The following ANO6 variants were observed in gnomAD, a reference collection of about 807,000 sequenced individuals.
ANO6 encodes the protein anoctamin-6.
Under a neutral mutation model 117.5 loss-of-function variants are expected in ANO6, and 106 were observed. The observed-to-expected ratio is 0.90, with a 90% CI of 0.77 to 1.06. The LOEUF (loss-of-function observed/expected upper bound fraction) is 1.06, where lower values mean the gene tolerates loss of function less well. Ranked by LOEUF, ANO6 falls within the 50% of genes least tolerant of loss-of-function variation. The pLI, the probability that ANO6 is intolerant of heterozygous loss-of-function variation, is 0.00. For missense variants in ANO6, 955 were observed against 1,121.1 expected, an observed-to-expected ratio of 0.85 and a Z score of 2.12; for synonymous variants, 367 against 385.1, an observed-to-expected ratio of 0.95 and a Z score of 0.55.
Position 45,388,180 on chromosome 12 carries a change from T to C in ANO6, c.1185T>C (p.Phe395=), listed in dbSNP as rs372318576. 3.1e-6 allele frequency: 5 copies of C among 1,613,862 alleles called. No homozygotes were observed. Among genetic ancestry groups the C allele is most frequent in the East Asian group, 2.2e-5 (1 of 44,898 alleles). Residue 395 remains phenylalanine (F), a synonymous_variant, in exon 11 of 20, where the codon TTT becomes TTC. Coordinates refer to ENST00000320560, the MANE Select transcript of ANO6 (RefSeq NM_001025356.3). ...TGTTAGTTACCTTGTTTTTGGAGTTTTGGAAGCGACGCCAGGCAGAACTTG... is the reference window on the plus strand; with the variant it reads ...TGTTAGTTACCTTGTTTTTGGAGTTCTGGAAGCGACGCCAGGCAGAACTTG... ...MGVWVTLFLE[F]WKRRQAELEY... is the part of the protein sequence containing the mutation.
At chr12:45,392,372 C>T (rs561971116) in intron 12 of ANO6, among the ~76,000 whole-genome samples, 3 of 152,312 alleles carry the variant, frequency 2.0e-5, no homozygotes, top group Admixed American at 6.5e-5. Context: ...CAGAGCCCAC[C>T]GCAGCTCAAC....
rs369339761 is a variant in ANO6, at chr12:45,390,022, A to G, written c.1309-399A>G. On this transcript the variant is annotated intron_variant, in intron 11 of 19. Coordinates refer to ENST00000320560, the MANE Select transcript of ANO6 (RefSeq NM_001025356.3). ...TATATAAAGCCCAACCAAGAAACAC[A>G]TAGTGGATACCTAGTATTTGCAGAC... 1.1e-4 allele frequency among the ~76,000 whole-genome samples: 16 copies of G among 152,330 alleles called. No individual in the cohort carries two copies. In the East Asian group the frequency reaches 1.2e-3, roughly 11 times the overall value.
chr12:45,238,151 CTTTT>C (rs71437709), intron 1 of ANO6, among the ~76,000 whole-genome samples: 2 of 130,868 alleles, frequency 1.5e-5, no homozygotes, highest in Non-Finnish European at 3.2e-5. Context: ...TTTTCTTTTT[CTTTT>C]TTTTTTTTTT....
intron 8 of ANO6, among the ~76,000 whole-genome samples, chr12:45,363,496 G>A (rs536749652): frequency 4.0e-4 from 61 of 151,820 alleles, no homozygotes; most frequent in African/African-American, 9.4e-4. Flanking sequence ...CCCGGGAGGC[G>A]GAGGTTGCAG....
At chr12:45,216,600 G>A (rs554780878) in intron 1 of ANO6, among the ~76,000 whole-genome samples, 6 of 152,348 alleles carry the variant, frequency 3.9e-5, no homozygotes, top group Admixed American at 3.9e-4. Flanking sequence ...CGGGGCGCGT[G>A]GTGGCCCCGA....
At chr12:45,381,416 A>T (rs954468909) in intron 10 of ANO6, among the ~76,000 whole-genome samples, 1 of 152,142 alleles carries the variant, frequency 6.6e-6, no homozygotes, top group Non-Finnish European at 1.5e-5. Flanking sequence ...TTGCAGGGGG[A>T]GAGAGCAAAA....
chr12:45,216,418 C>A, intron 1 of ANO6, 27 bp downstream of exon 1: 4 of 1,602,508 alleles, frequency 2.5e-6, no homozygotes, highest in Non-Finnish European at 3.4e-6. Context: ...CGCGTCCCCA[C>A]CCGAGAGCCC....
intron 1 of ANO6, among the ~76,000 whole-genome samples, chr12:45,242,809 A>C (rs561399438): frequency 5.9e-5 from 9 of 151,890 alleles, no homozygotes; most frequent in Non-Finnish European, 1.0e-4. Flanking sequence ...TTTCTTTTGT[A>C]AATAAGATAG....
chr12:45,320,855 C>T (rs532712180), intron 2 of ANO6, among the ~76,000 whole-genome samples: 4 of 152,224 alleles, frequency 2.6e-5, no homozygotes, highest in Non-Finnish European at 5.9e-5. Flanking sequence ...TTGAATTAAT[C>T]CCTTTACCAT....
intron 1 of ANO6, among the ~76,000 whole-genome samples, chr12:45,227,318 A>C (rs755364758): frequency 5.9e-5 from 9 of 152,200 alleles, no homozygotes; most frequent in Non-Finnish European, 1.3e-4. Flanking sequence ...AGAAAAGTAA[A>C]AGGAGGAAAG....
chr12:45,370,324 A>G (rs1432636296), intron 9 of ANO6, among the ~76,000 whole-genome samples: 1 of 152,228 alleles, frequency 6.6e-6, no homozygotes. Flanking sequence ...ACTCCCTCTC[A>G]TAAGAGTGCT....
At chr12:45,371,614 A>G (rs1182662971) in intron 9 of ANO6, among the ~76,000 whole-genome samples, 1 of 151,952 alleles carries the variant, frequency 6.6e-6, no homozygotes, top group Non-Finnish European at 1.5e-5. Flanking sequence ...GACACCTCAC[A>G]CGGCAGGGTA....
chr12:45,274,765 T>G (rs746954125), intron 1 of ANO6, among the ~76,000 whole-genome samples: 1 of 150,366 alleles, frequency 6.7e-6, no homozygotes, highest in Admixed American at 6.7e-5. Flanking sequence ...CACCTGTCCC[T>G]TGACATGTCA....
intron 3 of ANO6, among the ~76,000 whole-genome samples, chr12:45,333,323 A>G (rs983480554): frequency 2.6e-5 from 4 of 152,008 alleles, no homozygotes; most frequent in African/African-American, 9.7e-5. Flanking sequence ...GGGTACTTTA[A>G]TTTTCCTGTG....
chr12:45,330,584 TTGGTCTC>T (rs1940630321), intron 2 of ANO6, among the ~76,000 whole-genome samples: 1 of 152,124 alleles, frequency 6.6e-6, no homozygotes, highest in Non-Finnish European at 1.5e-5. Flanking sequence ...ATTTTTGTAT[TTGGTCTC>T]TGTTCTGCCA....
intron 2 of ANO6, among the ~76,000 whole-genome samples, chr12:45,318,152 C>T (rs1940119358): frequency 6.6e-6 from 1 of 152,146 alleles, no homozygotes; most frequent in Admixed American, 6.6e-5. Context: ...TCAATTTTGG[C>T]TTTTGCTGCC....
At chr12:45,336,659 TGTA>T (rs1376254396) in intron 3 of ANO6, among the ~76,000 whole-genome samples, 7 of 152,112 alleles carry the variant, frequency 4.6e-5, no homozygotes, top group Non-Finnish European at 1.0e-4. Flanking sequence ...CATACAATCA[TGTA>T]TAGTACCGAA....
chr12:45,402,985 G>A (rs1390111151), intron 13 of ANO6, 87 bp from the exon 14 acceptor site: 20 of 1,240,214 alleles, frequency 1.6e-5, no homozygotes, highest in South Asian at 2.5e-5. Context: ...CGTGTTTAAC[G>A]TGTTAACTCA....
chr12:45,337,006 T>C (rs1940845595), intron 3 of ANO6, among the ~76,000 whole-genome samples: 2 of 151,986 alleles, frequency 1.3e-5, no homozygotes, highest in South Asian at 4.1e-4. Context: ...GTGTCTTAGT[T>C]TTCAACAAAA....
Sources: allele counts gnomAD v4.1 joint callset (sites outside exome capture counted in the v4.1 genomes callset), GRCh38; gene constraint gnomAD v4.1.1; transcripts MANE v1.5; gene names NCBI Gene and HGNC (gene_info 2026-07-23, HGNC 2026-07-21).